CCSER1: variants seen among roughly 807,000 people sequenced by gnomAD.
CCSER1 encodes serine-rich coiled-coil domain-containing protein 1.
In CCSER1, 41 loss-of-function variants were observed where a neutral mutation model predicts 82.0. The ratio of observed to expected loss-of-function variants is 0.50; its 90% CI spans 0.39 to 0.65. The LOEUF is 0.65. Among genes scored for constraint, CCSER1 ranks in the 30% least tolerant of loss-of-function variants. The probability of loss-of-function intolerance (pLI) is 0.00; values close to 1 mark genes in which losing one functional copy is unlikely to be tolerated. For synonymous variants in CCSER1, 414 were observed against 383.9 expected, an observed-to-expected ratio of 1.08 and a Z score of -0.92; for missense variants, 1,119 against 1,064.2, an observed-to-expected ratio of 1.05 and a Z score of -0.72.
At chr4:90,763,191 T>C (rs1198805098) in intron 7 of CCSER1, among the ~76,000 whole-genome samples, 6 of 152,012 alleles carry the variant, frequency 3.9e-5, no homozygotes, top group African/African-American at 1.4e-4. Flanking sequence ...CATATTTTCA[T>C]AATACAAGCT....
intron 4 of CCSER1, among the ~76,000 whole-genome samples, chr4:90,437,054 C>T (rs1759113405): frequency 6.6e-6 from 1 of 152,072 alleles, no homozygotes; most frequent in African/African-American, 2.4e-5. Context: ...ATCTCCTGAC[C>T]TTGTGATCCA....
chr4:91,418,625 A>C (rs970515029), intron 10 of CCSER1, among the ~76,000 whole-genome samples: 2 of 152,044 alleles, frequency 1.3e-5, no homozygotes, highest in Non-Finnish European at 2.9e-5. Context: ...TGATGGTTTT[A>C]CAGGTTAACT....
chr4:90,368,720 G>A (rs1231690077), intron 3 of CCSER1, among the ~76,000 whole-genome samples: 6 of 151,582 alleles, frequency 4.0e-5, no homozygotes, highest in Admixed American at 2.0e-4. Context: ...TGTCTACCTC[G>A]CCTTCCTTAT....
At chr4:90,912,672 A>G (rs1246970192) in intron 8 of CCSER1, among the ~76,000 whole-genome samples, 4 of 152,182 alleles carry the variant, frequency 2.6e-5, no homozygotes, top group African/African-American at 9.6e-5. Flanking sequence ...AGAAGGCTTC[A>G]GAGGATCAAA....
At chr4:91,470,255 AT>A (rs764748487) in intron 10 of CCSER1, among the ~76,000 whole-genome samples, 8 of 152,180 alleles carry the variant, frequency 5.3e-5, no homozygotes, top group Non-Finnish European at 8.8e-5. Flanking sequence ...GACATTTAAC[AT>A]TTTATTTCAC....
At chr4:90,636,274 G>C (rs1365689301) in intron 6 of CCSER1, among the ~76,000 whole-genome samples, 1 of 151,686 alleles carries the variant, frequency 6.6e-6, no homozygotes, top group Non-Finnish European at 1.5e-5. Flanking sequence ...AGCCTAACTT[G>C]TACTAAATTA....
intron 7 of CCSER1, among the ~76,000 whole-genome samples, chr4:90,773,543 TA>T (rs1449870846): frequency 6.6e-6 from 1 of 152,174 alleles, no homozygotes; most frequent in Non-Finnish European, 1.5e-5. Flanking sequence ...TACTCAGGAA[TA>T]AAAAGCTACC....
intron 10 of CCSER1, among the ~76,000 whole-genome samples, chr4:91,594,069 A>AGCTAGCTG (rs2110347357): frequency 6.6e-6 from 1 of 152,190 alleles, no homozygotes; most frequent in African/African-American, 2.4e-5. Flanking sequence ...ATAGGTAATA[A>AGCTAGCTG]GCTAGCTGCA....
intron 5 of CCSER1, among the ~76,000 whole-genome samples, chr4:90,572,222 G>A (rs1236536078): frequency 6.6e-6 from 1 of 152,086 alleles, no homozygotes; most frequent in Non-Finnish European, 1.5e-5. Flanking sequence ...GAAGTGTGCT[G>A]CTTGTAGTAT....
At chr4:90,243,980 A>G (rs1158480108) in intron 1 of CCSER1, among the ~76,000 whole-genome samples, 1 of 152,164 alleles carries the variant, frequency 6.6e-6, no homozygotes, top group African/African-American at 2.4e-5. Flanking sequence ...CTTCTTAACT[A>G]GAATAGAAAT....
intron 10 of CCSER1, among the ~76,000 whole-genome samples, chr4:91,151,617 A>G (rs531981316): frequency 3.3e-5 from 5 of 152,318 alleles, no homozygotes; most frequent in Admixed American, 6.5e-5. Flanking sequence ...ATTTAGTGCT[A>G]TAAATTTCCC....
chr4:90,172,176 G>A (rs1731823829), intron 1 of CCSER1, among the ~76,000 whole-genome samples: 1 of 151,898 alleles, frequency 6.6e-6, no homozygotes, highest in Non-Finnish European at 1.5e-5. Flanking sequence ...ACGTGATGAT[G>A]ACTTCCATTG....
intron 7 of CCSER1, among the ~76,000 whole-genome samples, chr4:90,726,554 C>T (rs1042730297): frequency 5.3e-5 from 8 of 151,830 alleles, no homozygotes; most frequent in Non-Finnish European, 1.0e-4. Context: ...TTATTTTTTC[C>T]AATATGGCAG....
chr4:91,566,734 A>G (rs1235878003), intron 10 of CCSER1, among the ~76,000 whole-genome samples: 2 of 151,782 alleles, frequency 1.3e-5, no homozygotes, highest in African/African-American at 4.8e-5. Context: ...CAGTTGTAAC[A>G]TTTTCTTTAT....
In CCSER1 at chr4:91,428,697, G is replaced by A. The variant is rs183173545; in HGVS notation, c.2218-169875G>A. On this transcript the variant is annotated intron_variant, in intron 10 of 10. Coordinates refer to ENST00000509176, the MANE Select transcript of CCSER1 (RefSeq NM_001145065.2). ...GAATAATATATTCTTTTAAGTATTC[G>A]TAGGTACAGTTTCTGTTCCTTACTG... 2.5e-3 allele frequency among the ~76,000 whole-genome samples: 380 copies of A among 151,908 alleles called. 3 individuals are homozygous for A. The South Asian group carries it at 0.033, about 13-fold the overall frequency.
chr4:90,209,459 G>A (rs1739530021), intron 1 of CCSER1, among the ~76,000 whole-genome samples: 1 of 152,116 alleles, frequency 6.6e-6, no homozygotes, highest in Non-Finnish European at 1.5e-5. Flanking sequence ...CCAGTGGTGT[G>A]GTCCCAGTCT....
intron 10 of CCSER1, among the ~76,000 whole-genome samples, chr4:91,469,260 T>C (rs1757128364): frequency 6.6e-6 from 1 of 152,158 alleles, no homozygotes; most frequent in Non-Finnish European, 1.5e-5. Flanking sequence ...GAAAAATCCT[T>C]CTGGCCTGCT....
At chr4:91,315,858 C>G (rs1259747087) in intron 10 of CCSER1, among the ~76,000 whole-genome samples, 1 of 151,920 alleles carries the variant, frequency 6.6e-6, no homozygotes, top group African/African-American at 2.4e-5. Context: ...TATCTGAGTT[C>G]TCTGTGAAAT....
chr4:90,182,799 A>C (rs566874964), intron 1 of CCSER1, among the ~76,000 whole-genome samples: 195 of 152,266 alleles, frequency 1.3e-3, no homozygotes, highest in Non-Finnish European at 2.3e-3. Context: ...ACCTTTATCC[A>C]GAAGGAAAAT....
Sources: gnomAD v4.1 joint callset for allele counts (sites outside exome capture counted in the v4.1 genomes callset) on GRCh38, gnomAD v4.1.1 for gene constraint, MANE v1.5 for transcripts, NCBI Gene and HGNC (gene_info 2026-07-23, HGNC 2026-07-21) for gene names.